The following SYNJ2BP variants were observed in gnomAD, a reference collection of about 807,000 sequenced individuals.
SYNJ2BP encodes synaptojanin-2-binding protein.
A neutral mutation model predicts 16.9 loss-of-function variants in SYNJ2BP; 10 were observed. The observed-to-expected ratio is 0.59, with a 90% confidence interval of 0.36 to 1.00. SYNJ2BP has a LOEUF of 1.00. SYNJ2BP is among the 50% of genes least tolerant of loss of function. The pLI, the probability that SYNJ2BP is intolerant of heterozygous loss-of-function variation, is 0.01. For missense variants in SYNJ2BP, 162 were observed against 186.7 expected (o/e 0.87, Z 0.77); for synonymous variants, 54 against 68.4 (o/e 0.79, Z 1.04).
At chr14:70,376,704 T>G (rs1887638418) in intron 2 of SYNJ2BP, among the ~76,000 whole-genome samples, 1 of 152,252 alleles carries the variant, frequency 6.6e-6, no homozygotes, top group Non-Finnish European at 1.5e-5. Context: ...TTATCTCGTT[T>G]CCACAGATAA....
chr14:70,402,663 CT>C (rs1455471404), intron 1 of SYNJ2BP, among the ~76,000 whole-genome samples: 2 of 91,580 alleles, frequency 2.2e-5, no homozygotes, highest in African/African-American at 7.5e-5. Flanking sequence ...TGAAAGCCTG[CT>C]TTAAAAAAAA....
chr14:70,398,659 C>A (rs1216064417), intron 1 of SYNJ2BP, among the ~76,000 whole-genome samples: 1 of 152,174 alleles, frequency 6.6e-6, no homozygotes, highest in African/African-American at 2.4e-5. Flanking sequence ...GCAGGGGGAA[C>A]CTTCCTGGGC....
At chr14:70,394,355 C>A (rs28520402) in intron 1 of SYNJ2BP, among the ~76,000 whole-genome samples, 6,285 of 151,568 alleles carry the variant, frequency 0.041, 160 homozygotes, top group Middle Eastern at 0.076. Context: ...CTGATGATAA[C>A]AGTGTACTTT....
At chr14:70,400,326 T>C (rs1424420572) in intron 1 of SYNJ2BP, among the ~76,000 whole-genome samples, 1 of 152,232 alleles carries the variant, frequency 6.6e-6, no homozygotes, top group Non-Finnish European at 1.5e-5. Context: ...ATTGACAGCA[T>C]ATACTCAGAC....
At chr14:70,415,769 TTGA>T (rs1008788880) in intron 1 of SYNJ2BP, among the ~76,000 whole-genome samples, 6 of 152,164 alleles carry the variant, frequency 3.9e-5, no homozygotes, top group African/African-American at 1.4e-4. Flanking sequence ...CTCAGAGTAC[TTGA>T]TGATTTATTA....
At chr14:70,407,906 A>C (rs1431140753) in intron 1 of SYNJ2BP, among the ~76,000 whole-genome samples, 1 of 152,204 alleles carries the variant, frequency 6.6e-6, no homozygotes, top group African/African-American at 2.4e-5. Flanking sequence ...ATTCGTTCCT[A>C]GAAGACAATG....
intron 2 of SYNJ2BP, among the ~76,000 whole-genome samples, chr14:70,379,201 G>A (rs113942836): frequency 3.5e-3 from 537 of 152,184 alleles, no homozygotes; most frequent in Middle Eastern, 6.8e-3. Flanking sequence ...GGTTGGAACC[G>A]ATTCAAATAC....
intron 3 of SYNJ2BP, among the ~76,000 whole-genome samples, chr14:70,373,958 C>T (rs10140938): frequency 0.87 from 132,572 of 152,240 alleles, 57,789 homozygotes; most frequent in East Asian, 0.93. Context: ...ATCTGAAAGG[C>T]AAGACTGCAT....
chr14:70,417,057 G>A lies in SYNJ2BP; in HGVS notation c.-94C>T, dbSNP rs1888631045. 1 of 1,592,126 alleles carries A rather than the reference G, an allele frequency of 6.3e-7. No individual in the cohort carries two copies. The highest frequency in any genetic ancestry group is 8.6e-7 in the Non-Finnish European group (1 of 1,165,814). ...TCGGCGCTGCGCCCACAGCACAGCG[G>A]TTTCGGTTTCAGCAGCCTCGAGACC... On this transcript the variant is annotated 5_prime_UTR_variant, in exon 1 of 4. Coordinates refer to ENST00000256366, the MANE Select transcript of SYNJ2BP (RefSeq NM_018373.3).
At chr14:70,406,275 T>C (rs1292604339) in intron 1 of SYNJ2BP, among the ~76,000 whole-genome samples, 3 of 152,200 alleles carry the variant, frequency 2.0e-5, no homozygotes, top group Non-Finnish European at 4.4e-5. Context: ...TGAAACTGCC[T>C]TTCCAAAAAT....
chr14:70,404,502 A>C (rs978534848), intron 1 of SYNJ2BP, among the ~76,000 whole-genome samples: 1 of 152,244 alleles, frequency 6.6e-6, no homozygotes, highest in African/African-American at 2.4e-5. Context: ...AGTCATTTAC[A>C]TGGTATAGAA....
intron 2 of SYNJ2BP, 69 bp from the exon 3 acceptor site, chr14:70,375,840 G>A (rs563018873): frequency 1.3e-4 from 205 of 1,584,970 alleles, no homozygotes; most frequent in Non-Finnish European, 1.7e-4. Context: ...ATTTTCAAAT[G>A]GCCAAACTTT....
intron 1 of SYNJ2BP, among the ~76,000 whole-genome samples, chr14:70,409,644 G>A (rs1399620250): frequency 1.3e-5 from 2 of 152,174 alleles, no homozygotes; most frequent in African/African-American, 4.8e-5. Flanking sequence ...CTCTCCAAGA[G>A]GTGTTCCATC....
rs180817918 is a variant in SYNJ2BP, at chr14:70,417,034, G to A, written c.-71C>T. ...GCACAGGTGAAGGTGAATCAATCTC[G>A]GCGCTGCGCCCACAGCACAGCGGTT... On this transcript the variant is annotated 5_prime_UTR_variant, in exon 1 of 4. Transcript: ENST00000256366. The A allele has an allele frequency of 5.0e-6, 8 of 1,610,978 alleles. No homozygotes were observed. Among genetic ancestry groups the A allele is most frequent in the Non-Finnish European group, 6.8e-6 (8 of 1,178,422 alleles).
intron 1 of SYNJ2BP, among the ~76,000 whole-genome samples, chr14:70,406,487 G>A (rs1037744471): frequency 6.6e-5 from 10 of 152,170 alleles, no homozygotes; most frequent in African/African-American, 1.7e-4. Context: ...CTATACTGCC[G>A]TTGCAGGACT....
chr14:70,399,747 T>TA lies in SYNJ2BP; in HGVS notation c.65-11142dup, dbSNP rs572382506. Among the ~76,000 whole-genome samples, 284 of 152,284 alleles carry TA rather than the reference T, an allele frequency of 1.9e-3. 1 individual carries two copies. Among genetic ancestry groups the TA allele is most frequent in the African/African-American group, 6.0e-3 (250 of 41,562 alleles). ...ACTGCTTCATGCTGACAGAGGGTGT[T>TA]AATTTGTGGAAAACAGGAGATTTTC... On this transcript the variant is annotated intron_variant, in intron 1 of 3. Coordinates refer to ENST00000256366, the MANE Select transcript of SYNJ2BP (RefSeq NM_018373.3).
rs979317614 is a variant in SYNJ2BP at position 70,367,863 on chromosome 14, AG to A, written c.*5127del. 2 of 152,186 alleles carry A rather than the reference AG, an allele frequency of 1.3e-5. No homozygotes were observed. Among genetic ancestry groups the A allele is most frequent in the African/African-American group, 4.8e-5 (2 of 41,444 alleles). The allele number at this position is 152,186 out of a possible 1,614,324, so 9.4% of individuals were successfully genotyped here. On this transcript the variant is annotated 3_prime_UTR_variant, in exon 4 of 4. Transcript: ENST00000256366. Reference sequence around the variant, plus strand: ...AATATTCCTCCACTTTCATATGCTGAGCAATTTCAGCTTAGAGTGACTAAGT... The same window carrying A: ...AATATTCCTCCACTTTCATATGCTGACAATTTCAGCTTAGAGTGACTAAGT...
intron 1 of SYNJ2BP, among the ~76,000 whole-genome samples, chr14:70,394,522 A>C (rs1260585114): frequency 6.6e-6 from 1 of 151,500 alleles, no homozygotes; most frequent in Non-Finnish European, 1.5e-5. Context: ...TAATGTGCCA[A>C]CAAATTTTAA....
rs1203295154 is a variant in SYNJ2BP, at chr14:70,368,586, T to C, written c.*4405A>G. On this transcript the variant is annotated 3_prime_UTR_variant, in exon 4 of 4. Coordinates refer to ENST00000256366, the MANE Select transcript of SYNJ2BP (RefSeq NM_018373.3). ...CACCAACTGAAACACTCACTAATCATACATTTTGCTGGAGGTTGATCAATC... is the reference window on the plus strand; with the variant it reads ...CACCAACTGAAACACTCACTAATCACACATTTTGCTGGAGGTTGATCAATC... 6.6e-6 allele frequency: 1 copy of C among 152,202 alleles called. No individual in the cohort carries two copies. The highest frequency in any genetic ancestry group is 2.4e-5 in the African/African-American group (1 of 41,460). 9.4% of individuals were successfully genotyped at this position (152,202 alleles called of 1,614,324 possible).
Sources: gnomAD v4.1 joint callset for allele counts (sites outside exome capture counted in the v4.1 genomes callset) on GRCh38, gnomAD v4.1.1 for gene constraint, MANE v1.5 for transcripts, NCBI Gene and HGNC (gene_info 2026-07-23, HGNC 2026-07-21) for gene names.